The following PCDHA8 variants were observed in gnomAD, a reference collection of about 807,000 sequenced individuals.
PCDHA8 encodes protocadherin alpha-8.
A neutral mutation model predicts 61.8 loss-of-function variants in PCDHA8; 53 were observed. That is an observed-to-expected ratio of 0.86 (90% CI 0.69 to 1.08). PCDHA8 has a LOEUF of 1.08. Among genes scored for constraint, PCDHA8 ranks in the 50% least tolerant of loss-of-function variants. The probability of loss-of-function intolerance (pLI) is 0.00; values close to 1 mark genes in which losing one functional copy is unlikely to be tolerated. For synonymous variants in PCDHA8, 618 were observed against 556.6 expected, an observed-to-expected ratio of 1.11 and a Z score of -1.55; for missense variants, 1,293 against 1,245.0, an observed-to-expected ratio of 1.04 and a Z score of -0.58.
chr5:140,871,799 T>C (rs1183689356), intron 1 of PCDHA8, among the ~76,000 whole-genome samples: 2 of 152,196 alleles, frequency 1.3e-5, no homozygotes, highest in Non-Finnish European at 2.9e-5. Context: ...AAATAATTAC[T>C]ATTTTCACTA....
Position 141,010,015 on chromosome 5 carries a change from C to T in PCDHA8, c.*78C>T, listed in dbSNP as rs1588250671. On this transcript the variant is annotated 3_prime_UTR_variant, in exon 4 of 4. Transcript: ENST00000531613. ...CTCTCCCATGTAGCAATTCCCTGCTCCTTTTTCCTATCTACATGAGCCCTC... is the reference window on the plus strand; with the variant it reads ...CTCTCCCATGTAGCAATTCCCTGCTTCTTTTTCCTATCTACATGAGCCCTC... 7 of 1,572,182 alleles carry T rather than the reference C, an allele frequency of 4.5e-6. No individual in the cohort carries two copies. In the East Asian group the frequency reaches 1.3e-4, roughly 30 times the overall value.
At position 140,842,814 on chromosome 5, in the gene PCDHA8, G is replaced by C. The variant is rs1581016277; in HGVS notation, c.1493G>C (p.Arg498Pro). 1 of 1,593,900 alleles carries C rather than the reference G, an allele frequency of 6.3e-7. No homozygotes were observed. Among genetic ancestry groups the C allele is most frequent in the African/African-American group, 1.3e-5 (1 of 74,270 alleles). The stretch of plus-strand genomic sequence containing the variant: ...GTGTCCTACTCGCTTGTGGAGCGGC[G>C]GGTGGGCGAGCGCTCGCTGTCGAGC... Reference protein sequence around the residue: ...ALVSYSLVERRVGERSLSSYI... With the variant: ...ALVSYSLVERPVGERSLSSYI... Residue 498 changes from arginine to proline, a missense_variant, in exon 1 of 4, where the codon CGG (arginine) becomes CCG (proline). Coordinates refer to ENST00000531613, the MANE Select transcript of PCDHA8 (RefSeq NM_018911.3).
At position 140,847,877 on chromosome 5, in the gene PCDHA8, C is replaced by G. The variant is rs1305831915; in HGVS notation, c.2394+4162C>G. On this transcript the variant is annotated intron_variant, in intron 1 of 3. Coordinates refer to ENST00000531613, the MANE Select transcript of PCDHA8 (RefSeq NM_018911.3). ...TGTTGATTCCTTTTACCAGACATGA[C>G]TAAGTTTCTTTTTCATCAGTAGATT... 5 of 149,752 alleles carry G rather than the reference C, an allele frequency of 3.3e-5. 1 individual carries two copies. The highest frequency in any genetic ancestry group is 7.5e-5 in the Non-Finnish European group (5 of 66,994). 9.3% of individuals were successfully genotyped at this position (149,752 alleles called of 1,614,324 possible). A position where few individuals can be genotyped will look rare whatever the true frequency, so the allele number is the denominator to read the frequency against.
intron 1 of PCDHA8, among the ~76,000 whole-genome samples, chr5:140,910,092 C>T (rs1554194118): frequency 6.6e-6 from 1 of 152,170 alleles, no homozygotes; most frequent in African/African-American, 2.4e-5. Context: ...GGGGAACCAG[C>T]CTCCCCTTCA....
chr5:140,878,342 CAAT>C (rs1416409658), intron 1 of PCDHA8, among the ~76,000 whole-genome samples: 2 of 152,076 alleles, frequency 1.3e-5, no homozygotes, highest in Non-Finnish European at 2.9e-5. Flanking sequence ...GGTATTATCA[CAAT>C]AATATAAATG....
chr5:140,913,164 T>C (rs1211762965), intron 1 of PCDHA8, among the ~76,000 whole-genome samples: 1 of 152,208 alleles, frequency 6.6e-6, no homozygotes, highest in Non-Finnish European at 1.5e-5. Flanking sequence ...GGATTGGTAT[T>C]AGTTCTTCTT....
At chr5:140,969,228 G>A in intron 1 of PCDHA8, 1 of 1,614,176 alleles carries the variant, frequency 6.2e-7, no homozygotes, top group Non-Finnish European at 8.5e-7. Flanking sequence ...GGGCCTTCGG[G>A]AGCCCAAGCA....
rs145175505 is a variant in PCDHA8 at position 140,843,176 on chromosome 5, C to G, written c.1855C>G (p.Arg619Gly). Residue 619 changes from arginine to glycine, a missense_variant, in exon 1 of 4, where the codon CGC becomes GGC. Arg to Gly is a moderately radical substitution (Grantham distance 125). Coordinates refer to ENST00000531613, the MANE Select transcript of PCDHA8 (RefSeq NM_018911.3). ...YELQPAASSP[R>G]IPFRVGLYTG... Reference sequence around the variant, plus strand: ...GCTGCAGCCAGCTGCAAGCAGCCCTCGCATCCCGTTCCGCGTGGGGCTGTA... The same window carrying G: ...GCTGCAGCCAGCTGCAAGCAGCCCTGGCATCCCGTTCCGCGTGGGGCTGTA... 2 of 1,595,968 alleles carry G rather than the reference C, an allele frequency of 1.3e-6. No homozygotes were observed. Among genetic ancestry groups the G allele is most frequent in the Non-Finnish European group, 1.7e-6 (2 of 1,165,618 alleles).
At chr5:140,886,596 G>C (rs1359025262) in intron 1 of PCDHA8, among the ~76,000 whole-genome samples, 1 of 152,008 alleles carries the variant, frequency 6.6e-6, no homozygotes, top group East Asian at 1.9e-4. Context: ...GGGAGGCCAA[G>C]GTGGGCGGAT....
At chr5:140,925,176 A>G (rs187925786) in intron 1 of PCDHA8, among the ~76,000 whole-genome samples, 2 of 152,236 alleles carry the variant, frequency 1.3e-5, no homozygotes, top group African/African-American at 2.4e-5. Context: ...ATTGACCCCA[A>G]TGTACCATCA....
chr5:140,928,778 C>G (rs564618368), intron 1 of PCDHA8: 3 of 1,614,136 alleles, frequency 1.9e-6, no homozygotes, highest in East Asian at 4.5e-5. Context: ...CCCACTGATG[C>G]AGTTAAGCAG....
At chr5:140,858,899 C>T (rs1236968449) in intron 1 of PCDHA8, 4 of 203,942 alleles carry the variant, frequency 2.0e-5, no homozygotes, top group Non-Finnish European at 3.0e-5. Flanking sequence ...ATATGTGTAG[C>T]GTACCACAGC....
At chr5:140,923,495 C>T (rs1274980788) in intron 1 of PCDHA8, among the ~76,000 whole-genome samples, 2 of 152,060 alleles carry the variant, frequency 1.3e-5, no homozygotes, top group African/African-American at 4.8e-5. Context: ...CACCACTGCA[C>T]TCCAGCCTGG....
At chr5:140,882,048 C>T in intron 1 of PCDHA8, 1 of 745,800 alleles carries the variant, frequency 1.3e-6, no homozygotes, top group Non-Finnish European at 2.1e-6. Context: ...CTGAGTCATA[C>T]TTACACTTAC....
intron 1 of PCDHA8, among the ~76,000 whole-genome samples, chr5:140,896,219 T>A (rs1212681477): frequency 1.3e-5 from 2 of 152,252 alleles, no homozygotes; most frequent in African/African-American, 2.4e-5. Flanking sequence ...TACATGTGTC[T>A]TTATAGTAGA....
At chr5:140,926,722 C>A in intron 1 of PCDHA8, 1 of 1,027,126 alleles carries the variant, frequency 9.7e-7, no homozygotes, top group East Asian at 3.0e-5. Flanking sequence ...CCCGGCAATG[C>A]CGGCGTTCGG....
chr5:140,851,380 C>G, intron 1 of PCDHA8: 1 of 976,622 alleles, frequency 1.0e-6, no homozygotes, highest in Non-Finnish European at 1.2e-6. Context: ...TGTTCAGCAA[C>G]CTTCAGTATC....
At chr5:140,963,631 G>A (rs1168776991) in intron 1 of PCDHA8, among the ~76,000 whole-genome samples, 2 of 152,144 alleles carry the variant, frequency 1.3e-5, no homozygotes, top group African/African-American at 2.4e-5. Flanking sequence ...TGTTGCATAC[G>A]CATCTTCCCT....
chr5:140,957,983 AG>A (rs1554223250), intron 1 of PCDHA8, among the ~76,000 whole-genome samples: 1 of 152,154 alleles, frequency 6.6e-6, no homozygotes, highest in Non-Finnish European at 1.5e-5. Flanking sequence ...AAATAGAATC[AG>A]TGCCAGATTT....
Sources: gnomAD v4.1 joint callset for allele counts (sites outside exome capture counted in the v4.1 genomes callset) on GRCh38, gnomAD v4.1.1 for gene constraint, MANE v1.5 for transcripts, NCBI Gene and HGNC (gene_info 2026-07-23, HGNC 2026-07-21) for gene names.